The following ODAD2 variants were observed in gnomAD, a reference collection of about 807,000 sequenced individuals.
The protein encoded by ODAD2 is outer dynein arm-docking complex subunit 2.
A neutral mutation model predicts 106.8 loss-of-function variants in ODAD2; 89 were observed. The observed-to-expected ratio is 0.83, with a 90% CI of 0.70 to 0.99. The LOEUF is 0.99. Among genes scored for constraint, ODAD2 ranks in the 50% least tolerant of loss-of-function variants. The pLI is 0.00. For missense variants in ODAD2, 1,168 were observed against 1,238.5 expected, an observed-to-expected ratio of 0.94 and a Z score of 0.85; for synonymous variants, 404 against 436.2, an observed-to-expected ratio of 0.93 and a Z score of 0.92.
intron 17 of ODAD2, among the ~76,000 whole-genome samples, chr10:27,876,678 T>A (rs948080044): frequency 5.9e-5 from 9 of 152,212 alleles, no homozygotes; most frequent in Non-Finnish European, 1.0e-4. Flanking sequence ...GGAGTCCTCC[T>A]ACTTATAGGC....
chr10:27,861,848 G>C (rs1055259347), intron 18 of ODAD2, among the ~76,000 whole-genome samples: 1 of 152,182 alleles, frequency 6.6e-6, no homozygotes, highest in African/African-American at 2.4e-5. Context: ...GGAACTCAAA[G>C]TCTTCTAGAC....
intron 19 of ODAD2, among the ~76,000 whole-genome samples, chr10:27,849,723 A>G (rs954214462): frequency 3.2e-4 from 49 of 152,332 alleles, no homozygotes; most frequent in African/African-American, 1.2e-3. Context: ...CTGATTTTGC[A>G]AACTTCTCTA....
intron 19 of ODAD2, among the ~76,000 whole-genome samples, chr10:27,819,752 C>T (rs536334358): frequency 6.6e-6 from 1 of 151,550 alleles, no homozygotes; most frequent in East Asian, 1.9e-4. Flanking sequence ...AAACCCATAC[C>T]CTTGACTATG....
rs369032642 is a variant in ODAD2, at chr10:27,936,734, A to G, written c.2244T>C (p.Asn748=). 3 of 1,613,838 alleles carry G rather than the reference A, an allele frequency of 1.9e-6. No individual in the cohort carries two copies. Among genetic ancestry groups the G allele is most frequent in the African/African-American group, 2.7e-5 (2 of 74,912 alleles). The change falls in exon 15 of 20, where the codon AAT becomes AAC. Residue 748 remains asparagine (N), a synonymous_variant. Coordinates refer to ENST00000305242, the MANE Select transcript of ODAD2 (RefSeq NM_018076.5). ...TGAGAGCCTTCTCTTACTTGGTAAC[A>G]TTCTCTTTGCTGATGGAACATTTCC... is the stretch of plus-strand genomic sequence containing the variant. ...AIWKCSISKE[N]VTKFREYKAI...
intron 2 of ODAD2, among the ~76,000 whole-genome samples, chr10:27,989,158 C>T (rs1329533215): frequency 6.6e-6 from 1 of 152,120 alleles, no homozygotes; most frequent in Non-Finnish European, 1.5e-5. Context: ...AGACTTCTGA[C>T]CTCTAGAACT....
At chr10:27,868,687 G>A (rs192759774) in intron 17 of ODAD2, among the ~76,000 whole-genome samples, 121 of 152,178 alleles carry the variant, frequency 8.0e-4, no homozygotes, top group African/African-American at 1.4e-3. Context: ...GCTGGGGCAC[G>A]GAGGGAGGGA....
intron 17 of ODAD2, among the ~76,000 whole-genome samples, chr10:27,872,035 G>A (rs957722062): frequency 1.6e-4 from 25 of 152,150 alleles, no homozygotes; most frequent in Non-Finnish European, 2.9e-4. Context: ...ATTTCGCTGA[G>A]CAGTGGTTTG....
intron 17 of ODAD2, among the ~76,000 whole-genome samples, chr10:27,877,228 C>T (rs995414619): frequency 2.6e-5 from 4 of 152,160 alleles, no homozygotes; most frequent in Admixed American, 2.0e-4. Context: ...GACCTCACAG[C>T]GACTAATGAC....
chr10:27,858,803 A>ATTTTT (rs9299592), intron 19 of ODAD2, among the ~76,000 whole-genome samples: 15 of 128,754 alleles, frequency 1.2e-4, no homozygotes, highest in African/African-American at 4.1e-4. Context: ...ACCTTAGTAC[A>ATTTTT]TTTTTTTTTT....
chr10:27,850,575 T>C (rs560203128), intron 19 of ODAD2, among the ~76,000 whole-genome samples: 71 of 151,592 alleles, frequency 4.7e-4, no homozygotes, highest in African/African-American at 1.5e-3. Flanking sequence ...AATAAACATC[T>C]ACATAAATAA....
rs116550256 is a variant in ODAD2 at position 27,933,081 on chromosome 10, C to A, written c.2495+1929G>T. 4.0e-3 allele frequency among the ~76,000 whole-genome samples: 601 copies of A among 152,140 alleles called. 7 individuals are homozygous for A. Among genetic ancestry groups the A allele is most frequent in the African/African-American group, 0.013 (560 of 41,502 alleles). ...GACTAACTTGGGCAACATGGCAAGA[C>A]CCCCAACTCCACAAAAAAATTTAAA... On this transcript the variant is annotated intron_variant, in intron 16 of 19. Coordinates refer to ENST00000305242, the MANE Select transcript of ODAD2 (RefSeq NM_018076.5).
At chr10:27,950,325 T>C (rs955402546) in intron 10 of ODAD2, among the ~76,000 whole-genome samples, 16 of 152,154 alleles carry the variant, frequency 1.1e-4, no homozygotes, top group Non-Finnish European at 2.1e-4. Context: ...GAGTGGTGTA[T>C]AACCACGTGA....
rs1209588739 is a variant in ODAD2 at position 27,860,658 on chromosome 10, G to GT, written c.2987dup (p.Asn996LysfsTer7). The GT allele has an allele frequency of 6.2e-7, 1 of 1,614,094 alleles. No individual in the cohort carries two copies. The highest frequency in any genetic ancestry group is 8.5e-7 in the Non-Finnish European group (1 of 1,180,008). On this transcript the variant is annotated frameshift_variant, in exon 19 of 20. Transcript: ENST00000305242. LOFTEE classifies it high-confidence loss of function. ...CACCATTCTCATGCATGGTGATGCA[G>GT]TTATCGGCGTCTTCTGAGAGTTGGT... is the stretch of plus-strand genomic sequence containing the variant.
At chr10:27,893,556 C>CATTA (rs1842691509) in intron 17 of ODAD2, among the ~76,000 whole-genome samples, 2 of 77,266 alleles carry the variant, frequency 2.6e-5, no homozygotes, top group African/African-American at 8.2e-5. Flanking sequence ...CAAACAAAGA[C>CATTA]GTTATTTCAA....
At chr10:27,846,861 A>G (rs1204778913) in intron 19 of ODAD2, among the ~76,000 whole-genome samples, 2 of 151,938 alleles carry the variant, frequency 1.3e-5, no homozygotes, top group African/African-American at 4.8e-5. Flanking sequence ...ACACCCTCCC[A>G]AGACTAAACC....
Position 27,812,389 on chromosome 10 carries a change from G to T in ODAD2, c.*123C>A. ...CATTCTGTGCATTTTCAATTTGTGT[G>T]TTTTCATTTAGATGGTTGAAAGGGT... is the stretch of plus-strand genomic sequence containing the variant. On this transcript the variant is annotated 3_prime_UTR_variant, in exon 20 of 20. Transcript: ENST00000305242. The T allele has an allele frequency of 1.2e-6, 1 of 823,178 alleles. No individual in the cohort carries two copies. Among genetic ancestry groups the T allele is most frequent in the East Asian group, 3.0e-5 (1 of 33,590 alleles). 51.0% of individuals were successfully genotyped at this position (823,178 alleles called of 1,614,324 possible).
chr10:27,850,067 T>C (rs983354813), intron 19 of ODAD2, among the ~76,000 whole-genome samples: 63 of 152,332 alleles, frequency 4.1e-4, no homozygotes, highest in African/African-American at 1.5e-3. Context: ...TAATTTATGA[T>C]GTCACATCAT....
chr10:27,890,198 CA>C (rs796289397), intron 17 of ODAD2, among the ~76,000 whole-genome samples: 1 of 152,054 alleles, frequency 6.6e-6, no homozygotes, highest in South Asian at 2.1e-4. Flanking sequence ...GGTCACAGTG[CA>C]ATGGGAGTGC....
intron 16 of ODAD2, among the ~76,000 whole-genome samples, chr10:27,909,804 T>A (rs1469581293): frequency 1.8e-5 from 2 of 110,536 alleles, no homozygotes; most frequent in Non-Finnish European, 1.7e-5. Context: ...GGCGACAAAG[T>A]GAGTCTTCAT....
Sources: allele counts gnomAD v4.1 joint callset (sites outside exome capture counted in the v4.1 genomes callset), GRCh38; gene constraint gnomAD v4.1.1; transcripts MANE v1.5; gene names NCBI Gene and HGNC (gene_info 2026-07-23, HGNC 2026-07-21).